The following FSTL4 variants were observed in gnomAD, a reference collection of about 807,000 sequenced individuals.
FSTL4 encodes the protein follistatin like 4.
A neutral mutation model predicts 78.2 loss-of-function variants in FSTL4; 28 were observed. The observed-to-expected ratio is 0.36, with a 90% CI of 0.27 to 0.49. The LOEUF is 0.49. Among genes scored for constraint, FSTL4 ranks in the 20% least tolerant of loss-of-function variants. FSTL4 has a pLI of 0.98. For missense variants in FSTL4, 922 were observed against 1,084.9 expected (o/e 0.85, Z 2.11); for synonymous variants, 422 against 440.5 (o/e 0.96, Z 0.53).
chr5:133,455,468 G>A (rs1172614526), intron 3 of FSTL4, among the ~76,000 whole-genome samples: 1 of 105,194 alleles, frequency 9.5e-6, no homozygotes, highest in African/African-American at 4.2e-5. Flanking sequence ...AAATAAATTT[G>A]TTTTTTAAGC....
the FSTL4 span, among the ~76,000 whole-genome samples, chr5:133,712,630 C>T: frequency 6.6e-6 from 1 of 152,208 alleles, no homozygotes; most frequent in African/African-American, 2.4e-5. Context: ...ACACAAAAGG[C>T]CTGCAAAGGT....
At chr5:133,286,850 C>A (rs552421614) in intron 6 of FSTL4, among the ~76,000 whole-genome samples, 9 of 152,306 alleles carry the variant, frequency 5.9e-5, no homozygotes, top group African/African-American at 2.2e-4. Context: ...ACACACTGAT[C>A]GCCTCAATGC....
chr5:133,558,933 C>T (rs1759857499), intron 3 of FSTL4, among the ~76,000 whole-genome samples: 1 of 152,120 alleles, frequency 6.6e-6, no homozygotes, highest in Non-Finnish European at 1.5e-5. Context: ...GAGGAGAGGT[C>T]TCCCCTTACA....
chr5:133,239,347 C>T (rs907228702), intron 7 of FSTL4, among the ~76,000 whole-genome samples: 13 of 152,150 alleles, frequency 8.5e-5, no homozygotes, highest in African/African-American at 2.2e-4. Context: ...GGAGTGCGGG[C>T]GCACGGCACG....
the FSTL4 span, among the ~76,000 whole-genome samples, chr5:133,673,836 G>A: frequency 6.6e-6 from 1 of 152,056 alleles, no homozygotes; most frequent in Non-Finnish European, 1.5e-5. Context: ...GTAATGGAGG[G>A]ACAAAAGCAA....
At chr5:133,502,759 T>TC (rs57547637) in intron 3 of FSTL4, among the ~76,000 whole-genome samples, 78,045 of 151,956 alleles carry the variant, frequency 0.51, 20,430 homozygotes, top group African/African-American at 0.59. Context: ...CCACTATGCT[T>TC]CCTGTAGAGC....
In FSTL4 at chr5:133,500,870, A is replaced by C. The variant is rs2112877369; in HGVS notation, c.160+66316T>G. Among the ~76,000 whole-genome samples, 3 of 152,286 alleles carry C rather than the reference A, an allele frequency of 2.0e-5. No homozygotes were observed. In the East Asian group the frequency reaches 5.8e-4, roughly 29 times the overall value. On this transcript the variant is annotated intron_variant, in intron 3 of 15. Transcript: ENST00000265342. ...AATTGCCCAGAAGAGAACAAACTGG[A>C]CACACAGTGGGAAGCCATTCAGTTT...
upstream of FSTL4, among the ~76,000 whole-genome samples, chr5:133,616,310 A>AATCAATCTATCTATCT (rs1554073699): frequency 3.5e-4 from 52 of 147,276 alleles, no homozygotes; most frequent in African/African-American, 1.2e-3. Context: ...TGAAAATCTA[A>AATCAATCTATCTATCT]ATCTATCTAT....
intron 3 of FSTL4, among the ~76,000 whole-genome samples, chr5:133,459,515 G>A (rs1757553704): frequency 6.6e-6 from 1 of 152,006 alleles, no homozygotes; most frequent in African/African-American, 2.4e-5. Flanking sequence ...TTTAAAAATT[G>A]TTTTGCTCTC....
the FSTL4 span, among the ~76,000 whole-genome samples, chr5:133,757,047 C>A: frequency 2.2e-3 from 341 of 152,304 alleles, 1 homozygote; most frequent in African/African-American, 8.1e-3. Flanking sequence ...TTACAAGAAT[C>A]CTGGGCAATT....
intron 6 of FSTL4, among the ~76,000 whole-genome samples, chr5:133,255,261 AGAGCAGCCCATCAGG>A (rs1752356019): frequency 6.6e-6 from 1 of 152,210 alleles, no homozygotes; most frequent in African/African-American, 2.4e-5. Context: ...GTTGGGGGTC[AGAGCAGCCCATCAGG>A]GAGCTTGTCT....
chr5:133,507,456 C>T (rs773713742), intron 3 of FSTL4, among the ~76,000 whole-genome samples: 2 of 152,056 alleles, frequency 1.3e-5, no homozygotes, highest in South Asian at 2.1e-4. Flanking sequence ...AAAGTAACTA[C>T]GTACAGTCGG....
intron 2 of FSTL4, among the ~76,000 whole-genome samples, chr5:133,581,769 C>A (rs1760416017): frequency 6.6e-6 from 1 of 152,258 alleles, no homozygotes; most frequent in African/African-American, 2.4e-5. Flanking sequence ...GGGTGGGACA[C>A]AGGCATCAGC....
intron 6 of FSTL4, among the ~76,000 whole-genome samples, chr5:133,287,960 A>G (rs568283885): frequency 2.3e-4 from 35 of 152,296 alleles, no homozygotes; most frequent in African/African-American, 8.4e-4. Flanking sequence ...AAAGCAGAGA[A>G]AGGCTGTTTG....
At chr5:133,693,009 T>C in the FSTL4 span, among the ~76,000 whole-genome samples, 3 of 152,256 alleles carry the variant, frequency 2.0e-5, no homozygotes, top group African/African-American at 4.8e-5. Flanking sequence ...GGGTGCTCCA[T>C]GATGGCAGAA....
At chr5:133,822,695 A>G in the FSTL4 span, among the ~76,000 whole-genome samples, 14 of 152,212 alleles carry the variant, frequency 9.2e-5, 1 homozygote, top group Admixed American at 3.3e-4. Context: ...CATTTCAACA[A>G]GAATATGAAT....
At position 133,423,317 on chromosome 5, in the gene FSTL4, T is replaced by A. The variant is rs1186152382; in HGVS notation, c.161-22331A>T. Among the ~76,000 whole-genome samples, 3 of 152,292 alleles carry A rather than the reference T, an allele frequency of 2.0e-5. No homozygotes were observed. In the East Asian group the frequency reaches 5.8e-4, roughly 29 times the overall value. Reference sequence around the variant, plus strand: ...AGCAGAAACTTCAGTCCTAAATGCATCCAGGCGGTACCTCGTGCTGTCCTG... The same window carrying A: ...AGCAGAAACTTCAGTCCTAAATGCAACCAGGCGGTACCTCGTGCTGTCCTG... On this transcript the variant is annotated intron_variant, in intron 3 of 15. Transcript: ENST00000265342.
chr5:133,647,882 G>T, the FSTL4 span, among the ~76,000 whole-genome samples: 1 of 152,138 alleles, frequency 6.6e-6, no homozygotes, highest in African/African-American at 2.4e-5. Flanking sequence ...AAATTCCCAC[G>T]TGTTGTGGGA....
chr5:133,217,197 G>T, intron 13 of FSTL4, 32 bp downstream of exon 13: 1 of 1,584,004 alleles, frequency 6.3e-7, no homozygotes, highest in Non-Finnish European at 8.6e-7. Flanking sequence ...CCCAGAATTT[G>T]AAGTTTTCCT....
Sources: allele counts gnomAD v4.1 joint callset (sites outside exome capture counted in the v4.1 genomes callset), GRCh38; gene constraint gnomAD v4.1.1; transcripts MANE v1.5; gene names NCBI Gene and HGNC (gene_info 2026-07-23, HGNC 2026-07-21).